COL25A1: variants seen among roughly 807,000 people sequenced by gnomAD.
The protein encoded by COL25A1 is collagen type XXV alpha 1 chain.
In COL25A1, 103 loss-of-function variants were observed where a neutral mutation model predicts 128.4. The observed-to-expected ratio is 0.80, with a 90% CI of 0.68 to 0.94. The LOEUF is 0.94. Among genes scored for constraint, COL25A1 ranks in the 40% least tolerant of loss-of-function variants. The pLI is 0.00. For synonymous variants in COL25A1, 279 were observed against 277.2 expected (o/e 1.01, Z -0.06); for missense variants, 745 against 840.0 (o/e 0.89, Z 1.40).
intron 3 of COL25A1, among the ~76,000 whole-genome samples, chr4:109,223,241 A>T (rs1778546805): frequency 6.6e-6 from 1 of 152,206 alleles, no homozygotes; most frequent in African/African-American, 2.4e-5. Flanking sequence ...CAGCCTATTA[A>T]TCAGGTCACC....
chr4:109,232,691 T>C (rs538236531), intron 3 of COL25A1, among the ~76,000 whole-genome samples: 2 of 152,300 alleles, frequency 1.3e-5, no homozygotes, highest in South Asian at 2.1e-4. Context: ...TGACAAATCA[T>C]GTAATTTGGT....
intron 3 of COL25A1, among the ~76,000 whole-genome samples, chr4:109,142,488 C>T (rs1409739305): frequency 2.6e-5 from 4 of 151,752 alleles, no homozygotes; most frequent in African/African-American, 4.8e-5. Context: ...TTTTCTGTCT[C>T]GTTAATCTAA....
At chr4:108,826,136 C>T (rs1209982374) in intron 33 of COL25A1, among the ~76,000 whole-genome samples, 3 of 152,072 alleles carry the variant, frequency 2.0e-5, no homozygotes, top group East Asian at 1.9e-4. Context: ...CTTAATGCAA[C>T]GTACGCTTCT....
intron 3 of COL25A1, among the ~76,000 whole-genome samples, chr4:109,133,503 T>G (rs1769414386): frequency 6.6e-6 from 1 of 152,092 alleles, no homozygotes; most frequent in Non-Finnish European, 1.5e-5. Flanking sequence ...AAGCAGAGAT[T>G]CAGTTGTTCA....
intron 8 of COL25A1, among the ~76,000 whole-genome samples, chr4:108,962,584 A>G (rs1028805709): frequency 6.6e-6 from 1 of 152,130 alleles, no homozygotes; most frequent in Non-Finnish European, 1.5e-5. Flanking sequence ...TTGGAATGCT[A>G]CACTGGAGGT....
At chr4:108,905,858 G>GCA (rs1743435947) in intron 13 of COL25A1, among the ~76,000 whole-genome samples, 1 of 149,420 alleles carries the variant, frequency 6.7e-6, no homozygotes, top group East Asian at 2.0e-4. Context: ...GTCGGGGGGG[G>GCA]GTGCGGGGGG....
At chr4:109,063,828 A>T (rs778432685) in intron 3 of COL25A1, among the ~76,000 whole-genome samples, 3 of 152,230 alleles carry the variant, frequency 2.0e-5, no homozygotes, top group Non-Finnish European at 4.4e-5. Flanking sequence ...AAGTTAAGAA[A>T]TTCTCCAATA....
At chr4:109,272,541 G>A (rs1394063905) in intron 3 of COL25A1, among the ~76,000 whole-genome samples, 1 of 152,168 alleles carries the variant, frequency 6.6e-6, no homozygotes, top group African/African-American at 2.4e-5. Flanking sequence ...GTTCACTGGT[G>A]TTTGTATTCA....
chr4:109,301,685 G>T (rs1725549238), intron 2 of COL25A1, 38 bp downstream of exon 2: 1 of 1,589,930 alleles, frequency 6.3e-7, no homozygotes. Context: ...GCTTGTACAA[G>T]ATGTTACCCA....
intron 3 of COL25A1, among the ~76,000 whole-genome samples, chr4:109,196,036 T>G (rs1302134609): frequency 3.3e-5 from 5 of 152,180 alleles, no homozygotes; most frequent in Admixed American, 6.5e-5. Context: ...AGAAGGTAAT[T>G]GACCAAAGAG....
intron 3 of COL25A1, among the ~76,000 whole-genome samples, chr4:109,072,301 C>T (rs1328496906): frequency 6.6e-6 from 1 of 152,072 alleles, no homozygotes; most frequent in Non-Finnish European, 1.5e-5. Context: ...AACGATGTTA[C>T]CTTAATTTAA....
chr4:108,915,390 A>G (rs926286814), intron 13 of COL25A1, among the ~76,000 whole-genome samples: 4 of 152,156 alleles, frequency 2.6e-5, no homozygotes, highest in Non-Finnish European at 5.9e-5. Flanking sequence ...AAATAGAGAC[A>G]GGGTTTCACC....
intron 24 of COL25A1, among the ~76,000 whole-genome samples, chr4:108,858,420 T>C (rs1468567586): frequency 1.3e-5 from 2 of 152,044 alleles, no homozygotes; most frequent in Non-Finnish European, 2.9e-5. Context: ...AAAAAGGAAA[T>C]AGCAGCCCCT....
intron 8 of COL25A1, among the ~76,000 whole-genome samples, chr4:108,969,862 C>T (rs1368091133): frequency 2.0e-5 from 3 of 152,002 alleles, no homozygotes; most frequent in Admixed American, 2.0e-4. Flanking sequence ...CAGTCTCTTC[C>T]AATTGTATTC....
At chr4:108,822,417 T>C (rs560597643) in intron 35 of COL25A1, among the ~76,000 whole-genome samples, 1 of 152,228 alleles carries the variant, frequency 6.6e-6, no homozygotes, top group East Asian at 1.9e-4. Flanking sequence ...CATATATATA[T>C]GTTTTTGAGT....
chr4:108,990,426 C>T (rs1339378211), intron 6 of COL25A1, among the ~76,000 whole-genome samples: 1 of 151,436 alleles, frequency 6.6e-6, no homozygotes, highest in Non-Finnish European at 1.5e-5. Flanking sequence ...AAACTTTGCT[C>T]TCTTTAAAGA....
rs183514138 is a variant in COL25A1, at chr4:109,231,003, G to T, written c.367+69580C>A. 5.3e-5 allele frequency among the ~76,000 whole-genome samples: 8 copies of T among 152,226 alleles called. No homozygotes were observed. The East Asian group carries it at 1.5e-3, about 29-fold the overall frequency. On this transcript the variant is annotated intron_variant, in intron 3 of 37. Coordinates refer to ENST00000399132, the MANE Select transcript of COL25A1 (RefSeq NM_198721.4). The stretch of plus-strand genomic sequence containing the variant: ...AATACAAAAAAATTAGCCAGGCGTG[G>T]TGGCGCATGCCTGTAGTCCCAGGTA...
chr4:109,016,737 C>A (rs1471853070), intron 5 of COL25A1, among the ~76,000 whole-genome samples: 1 of 152,098 alleles, frequency 6.6e-6, no homozygotes, highest in African/African-American at 2.4e-5. Flanking sequence ...GGTCTCCTAT[C>A]TGCTGAGAGT....
intron 4 of COL25A1, among the ~76,000 whole-genome samples, chr4:109,049,842 T>A (rs186743925): frequency 6.6e-6 from 1 of 152,274 alleles, no homozygotes; most frequent in African/African-American, 2.4e-5. Flanking sequence ...CACGCCATTG[T>A]ACATAGAAAG....
Sources: gnomAD v4.1 joint callset for allele counts (sites outside exome capture counted in the v4.1 genomes callset) on GRCh38, gnomAD v4.1.1 for gene constraint, MANE v1.5 for transcripts, NCBI Gene and HGNC (gene_info 2026-07-23, HGNC 2026-07-21) for gene names.